The following GNAL variants were observed in gnomAD, a reference collection of about 807,000 sequenced individuals.
GNAL encodes the protein G protein subunit alpha L, also known as guanine nucleotide-binding protein G(olf) subunit alpha.
In GNAL, 18 loss-of-function variants were observed where a neutral mutation model predicts 55.1. That is an observed-to-expected ratio of 0.33 (90% CI 0.23 to 0.48). The LOEUF (loss-of-function observed/expected upper bound fraction) is 0.48, where lower values mean the gene tolerates loss of function less well. GNAL is among the 20% of genes least tolerant of loss of function. The pLI, the probability that GNAL is intolerant of heterozygous loss-of-function variation, is 0.99. For synonymous variants in GNAL, 253 were observed against 237.0 expected (o/e 1.07, Z -0.62); for missense variants, 412 against 614.1 (o/e 0.67, Z 3.48).
intron 1 of GNAL, among the ~76,000 whole-genome samples, chr18:11,706,658 T>C (rs1294002765): frequency 6.6e-6 from 1 of 152,226 alleles, no homozygotes; most frequent in African/African-American, 2.4e-5. Context: ...TCTAAATCCT[T>C]TGTAATAGTT....
At chr18:11,833,839 T>C (rs2035442286) in intron 5 of GNAL, among the ~76,000 whole-genome samples, 2 of 152,266 alleles carry the variant, frequency 1.3e-5, no homozygotes, top group South Asian at 4.1e-4. Context: ...TTCTTAGAAA[T>C]GGAACGCTTC....
intron 7 of GNAL, among the ~76,000 whole-genome samples, chr18:11,865,782 C>T (rs2036250737): frequency 6.9e-6 from 1 of 144,752 alleles, no homozygotes; most frequent in African/African-American, 2.8e-5. Context: ...AAAAAGCATC[C>T]AAGCATCCCT....
In GNAL at chr18:11,867,269, A is replaced by G. The variant is rs750846326; in HGVS notation, c.910+43A>G. The stretch of plus-strand genomic sequence containing the variant: ...TCTCAAGAAAATAGGAGTGAATTCT[A>G]ACACTCAGCACTGCTGTGCTTAACT... On this transcript the variant is annotated intron_variant, in intron 8 of 11. Coordinates refer to ENST00000334049, the MANE Select transcript of GNAL (RefSeq NM_182978.4). 1.3e-5 allele frequency: 15 copies of G among 1,162,136 alleles called. No homozygotes were observed. In the South Asian group the frequency reaches 1.8e-4, roughly 14 times the overall value. 72.0% of individuals were successfully genotyped at this position (1,162,136 alleles called of 1,614,324 possible).
intron 1 of GNAL, among the ~76,000 whole-genome samples, chr18:11,704,955 A>G (rs904198838): frequency 1.5e-5 from 2 of 129,042 alleles, no homozygotes; most frequent in African/African-American, 3.0e-5. Flanking sequence ...TTATTTTATC[A>G]TGGTAAGAAC....
chr18:11,716,430 C>T (rs934972746), intron 1 of GNAL, among the ~76,000 whole-genome samples: 3 of 152,116 alleles, frequency 2.0e-5, no homozygotes, highest in Non-Finnish European at 4.4e-5. Flanking sequence ...TGAGCAGCAG[C>T]AAGATTTATT....
At chr18:11,750,683 G>T (rs1451270512) in intron 1 of GNAL, among the ~76,000 whole-genome samples, 1 of 152,184 alleles carries the variant, frequency 6.6e-6, no homozygotes, top group Non-Finnish European at 1.5e-5. Flanking sequence ...TGGGGTGAAT[G>T]TGGAAGCCAG....
chr18:11,723,009 C>A (rs2032131817), intron 1 of GNAL, among the ~76,000 whole-genome samples: 2 of 64,714 alleles, frequency 3.1e-5, no homozygotes, highest in African/African-American at 4.5e-5. Flanking sequence ...GAAACTTCAT[C>A]TCAAAAAAAA....
chr18:11,741,992 A>G (rs1183034760), intron 1 of GNAL, among the ~76,000 whole-genome samples: 1 of 152,046 alleles, frequency 6.6e-6, no homozygotes, highest in Non-Finnish European at 1.5e-5. Flanking sequence ...ATCCTCCCAA[A>G]CTGAATCTCT....
chr18:11,697,962 GACATGCCACCTGGGGACC>G (rs1385811102), intron 1 of GNAL, among the ~76,000 whole-genome samples: 1 of 152,168 alleles, frequency 6.6e-6, no homozygotes, highest in African/African-American at 2.4e-5. Context: ...GGCCAGGTTG[GACATGCCACCTGGGGACC>G]ACATGCCACC....
In GNAL at chr18:11,752,705, C is replaced by A; in HGVS notation, c.377-148C>A. 8.3e-7 allele frequency: 1 copy of A among 1,207,034 alleles called. No homozygotes were observed. The highest frequency in any genetic ancestry group is 2.8e-5 in the East Asian group (1 of 35,614). The allele number at this position is 1,207,034 out of a possible 1,614,324, so 74.8% of individuals were successfully genotyped here. ...GCACCTCTGGGCCGCGGAGCCCAGACGGCGGCCGGGGCGAGCTCCTCCAGC... is the reference window on the plus strand; with the variant it reads ...GCACCTCTGGGCCGCGGAGCCCAGAAGGCGGCCGGGGCGAGCTCCTCCAGC... On this transcript the variant is annotated intron_variant, in intron 1 of 11. Transcript: ENST00000334049. This position sits in a 1 kb window ranked among gnomAD's most constrained non-coding sequence, Gnocchi z 4.5.
At chr18:11,849,897 GA>G (rs1195465867) in intron 5 of GNAL, among the ~76,000 whole-genome samples, 2 of 152,220 alleles carry the variant, frequency 1.3e-5, no homozygotes, top group African/African-American at 2.4e-5. Flanking sequence ...ATGGAGAGGG[GA>G]AGGAATCAGT....
chr18:11,849,497 A>T (rs1416636375), intron 5 of GNAL, among the ~76,000 whole-genome samples: 3 of 81,166 alleles, frequency 3.7e-5, no homozygotes, highest in African/African-American at 7.5e-5. Context: ...GCAAGATTTC[A>T]TCTCAAAAAA....
Position 11,825,029 on chromosome 18 carries a change from T to TTTGAAGTAA in GNAL, c.722+14_722+15insTTGAAGTAA, listed in dbSNP as rs748354283. The TTTGAAGTAA allele has an allele frequency of 1.4e-6, 2 of 1,382,818 alleles. No homozygotes were observed. The highest frequency in any genetic ancestry group is 2.9e-5 in the African/African-American group (2 of 70,092). The allele number at this position is 1,382,818 out of a possible 1,614,324, so 85.7% of individuals were successfully genotyped here. ...CTGTGCACAATAGTAAGTTGTGTCC[T>TTTGAAGTAA]GTACAAGTTACAGGGCCCTTTGAAG... On this transcript the variant is annotated intron_variant, in intron 5 of 11. Coordinates refer to ENST00000334049, the MANE Select transcript of GNAL (RefSeq NM_182978.4).
intron 4 of GNAL, among the ~76,000 whole-genome samples, chr18:11,755,204 C>T (rs2033008904): frequency 6.6e-6 from 1 of 152,348 alleles, no homozygotes; most frequent in South Asian, 2.1e-4. Context: ...CTCACCCCAC[C>T]CCTTCTCTAC....
intron 1 of GNAL, among the ~76,000 whole-genome samples, chr18:11,725,738 C>T (rs150841119): frequency 4.6e-5 from 7 of 152,276 alleles, no homozygotes; most frequent in Admixed American, 6.5e-5. Context: ...TGTGAGCATT[C>T]GTGTGCAGGT....
At chr18:11,779,027 A>G (rs2033858725) in intron 4 of GNAL, among the ~76,000 whole-genome samples, 1 of 152,120 alleles carries the variant, frequency 6.6e-6, no homozygotes. Context: ...GGAACTGATA[A>G]AAATAGGTTC....
chr18:11,804,105 G>A (rs1300113944), intron 4 of GNAL, among the ~76,000 whole-genome samples: 2 of 146,076 alleles, frequency 1.4e-5, no homozygotes, highest in African/African-American at 2.5e-5. Context: ...AGCAGTTTGA[G>A]TGGAACACGG....
intron 1 of GNAL, among the ~76,000 whole-genome samples, chr18:11,724,080 A>G (rs1006412500): frequency 6.6e-5 from 10 of 152,192 alleles, no homozygotes; most frequent in African/African-American, 2.4e-4. Flanking sequence ...CAAATTTATT[A>G]TCTTACCCGT....
intron 5 of GNAL, among the ~76,000 whole-genome samples, chr18:11,849,279 A>C (rs1433422436): frequency 6.6e-6 from 1 of 152,246 alleles, no homozygotes; most frequent in South Asian, 2.1e-4. Context: ...AGGTGGGCAG[A>C]TCAACTGAGG....
Sources: allele counts gnomAD v4.1 joint callset (sites outside exome capture counted in the v4.1 genomes callset), GRCh38; gene constraint gnomAD v4.1.1; non-coding constraint Gnocchi (gnomAD v3.1); transcripts MANE v1.5; gene names NCBI Gene and HGNC (gene_info 2026-07-23, HGNC 2026-07-21).